PTP4A3: variants seen among roughly 807,000 people sequenced by gnomAD.
The protein encoded by PTP4A3 is protein tyrosine phosphatase 4A3.
In PTP4A3, 9 loss-of-function variants were observed where a neutral mutation model predicts 15.2. The observed-to-expected ratio is 0.59, with a 90% confidence interval of 0.36 to 1.03. The LOEUF is 1.03. Among genes scored for constraint, PTP4A3 ranks in the 50% least tolerant of loss-of-function variants. PTP4A3 has a pLI of 0.02. For missense variants in PTP4A3, 234 were observed against 252.1 expected (o/e 0.93, Z 0.49); for synonymous variants, 95 against 102.0 (o/e 0.93, Z 0.41).
At chr8:141,412,639 A>G (rs1832900090) in intron 1 of PTP4A3, among the ~76,000 whole-genome samples, 1 of 152,196 alleles carries the variant, frequency 6.6e-6, no homozygotes, top group African/African-American at 2.4e-5. Context: ...CATGGAATTC[A>G]GCCAAACTCT....
chr8:141,400,771 G>A (rs948978822), intron 1 of PTP4A3, among the ~76,000 whole-genome samples: 1 of 152,180 alleles, frequency 6.6e-6, no homozygotes, highest in African/African-American at 2.4e-5. Flanking sequence ...GGGGCTGCCC[G>A]GGTCCACACT....
In PTP4A3 at chr8:141,425,032, G is replaced by A. The variant is rs374479490; in HGVS notation, c.106-16G>A. The A allele has an allele frequency of 2.4e-5, 39 of 1,604,248 alleles. No individual in the cohort carries two copies. Among genetic ancestry groups the A allele is most frequent in the African/African-American group, 1.9e-4 (14 of 74,660 alleles). Reference sequence around the variant, plus strand: ...GCCCCAGCCCAGCCCTGCCTCCTCCGTCCTCCCACCCCCAGGACCTGAAGA... The same window carrying A: ...GCCCCAGCCCAGCCCTGCCTCCTCCATCCTCCCACCCCCAGGACCTGAAGA... On this transcript the variant is annotated splice_polypyrimidine_tract_variant and intron_variant, in intron 2 of 5. Transcript: ENST00000521578. The surrounding 1 kb of genome is among the most constrained non-coding windows in gnomAD (Gnocchi z 4.2).
chr8:141,402,878 G>A (rs1455368197), intron 1 of PTP4A3, among the ~76,000 whole-genome samples: 4 of 152,154 alleles, frequency 2.6e-5, no homozygotes, highest in East Asian at 1.9e-4. Context: ...CGTGAGAACC[G>A]GGCCTTTGGC....
chr8:141,424,955 C>G (rs1379782456), intron 2 of PTP4A3, 93 bp from the exon 3 acceptor site: 6 of 1,065,902 alleles, frequency 5.6e-6, no homozygotes, highest in Non-Finnish European at 7.0e-6. Flanking sequence ...GTGGGGGACA[C>G]AGCTGTGCCC....
At chr8:141,413,656 C>T (rs370946571) in intron 1 of PTP4A3, among the ~76,000 whole-genome samples, 66 of 152,316 alleles carry the variant, frequency 4.3e-4, no homozygotes, top group African/African-American at 1.5e-3. Context: ...GCCACGTGTG[C>T]GCATGTGAGT....
chr8:141,394,787 C>T (rs1003504161), intron 1 of PTP4A3, among the ~76,000 whole-genome samples: 3 of 152,250 alleles, frequency 2.0e-5, no homozygotes, highest in Non-Finnish European at 2.9e-5. Context: ...CGATGAGCCC[C>T]GTCCTCTCTG....
intron 1 of PTP4A3, among the ~76,000 whole-genome samples, chr8:141,407,878 C>A (rs1054933030): frequency 1.3e-5 from 2 of 152,132 alleles, no homozygotes; most frequent in African/African-American, 4.8e-5. Flanking sequence ...AATTTGTAAA[C>A]TTTCTTAAAA....
chr8:141,393,728 T>C (rs932907609), intron 1 of PTP4A3, among the ~76,000 whole-genome samples: 3 of 152,188 alleles, frequency 2.0e-5, no homozygotes, highest in African/African-American at 4.8e-5. Flanking sequence ...TGGTCCCCTC[T>C]CTGTCCCAAG....
In PTP4A3 at chr8:141,422,093, G is replaced by C. The variant is rs1422145265; in HGVS notation, c.-148G>C. 4 of 690,548 alleles carry C rather than the reference G, an allele frequency of 5.8e-6. No homozygotes were observed. Among genetic ancestry groups the C allele is most frequent in the Admixed American group, 2.7e-5 (1 of 37,290 alleles). 42.8% of individuals were successfully genotyped at this position (690,548 alleles called of 1,614,324 possible). The stretch of plus-strand genomic sequence containing the variant: ...TTTGCACAATATTTGTGCGGGGTAT[G>C]GGGGTGGGTTTTTAAATCTCGTTTC... On this transcript the variant is annotated 5_prime_UTR_variant, in exon 2 of 6. It removes an upstream start codon present in the reference 5' UTR. Transcript: ENST00000521578.
At position 141,431,626 on chromosome 8, in the gene PTP4A3, C is replaced by A. The variant is rs1469097092; in HGVS notation, c.*582C>A. ...TGGGCTGGTGCCCAGGATGGGGCTC[C>A]CGCGTGCTCTTGCGCTGCCCTCTGG... On this transcript the variant is annotated 3_prime_UTR_variant, in exon 6 of 6. Coordinates refer to ENST00000521578, the MANE Select transcript of PTP4A3 (RefSeq NM_032611.3). The A allele has an allele frequency of 6.5e-6, 1 of 152,684 alleles. No homozygotes were observed. The highest frequency in any genetic ancestry group is 2.4e-5 in the African/African-American group (1 of 41,440). 9.5% of individuals were successfully genotyped at this position (152,684 alleles called of 1,614,324 possible).
At chr8:141,415,849 A>G (rs1290460944) in intron 1 of PTP4A3, among the ~76,000 whole-genome samples, 1 of 145,910 alleles carries the variant, frequency 6.9e-6, no homozygotes, top group Non-Finnish European at 1.5e-5. Flanking sequence ...TGCCGAGTGC[A>G]GGGGCCTGGA....
intron 1 of PTP4A3, among the ~76,000 whole-genome samples, chr8:141,404,045 A>G (rs1321077895): frequency 6.6e-6 from 1 of 152,208 alleles, no homozygotes; most frequent in Non-Finnish European, 1.5e-5. Context: ...GCACACTCCC[A>G]TGCACAGCCA....
At chr8:141,424,131 C>T (rs1271598492) in intron 2 of PTP4A3, among the ~76,000 whole-genome samples, 4 of 152,128 alleles carry the variant, frequency 2.6e-5, no homozygotes, top group Admixed American at 6.5e-5. Flanking sequence ...GCCCAGCACC[C>T]TGCCTGCTCC....
At position 141,425,991 on chromosome 8, in the gene PTP4A3, TC is replaced by T. The variant is rs1437346186; in HGVS notation, c.198+855del. 6.6e-6 allele frequency among the ~76,000 whole-genome samples: 1 copy of T among 152,150 alleles called. No homozygotes were observed. Among genetic ancestry groups the T allele is most frequent in the Non-Finnish European group, 1.5e-5 (1 of 67,990 alleles). On this transcript the variant is annotated intron_variant, in intron 3 of 5. Coordinates refer to ENST00000521578, the MANE Select transcript of PTP4A3 (RefSeq NM_032611.3). The surrounding 1 kb of genome is among the most constrained non-coding windows in gnomAD (Gnocchi z 4.2). The stretch of plus-strand genomic sequence containing the variant: ...TGGAAGAATGGGAGGCAAAGGCATG[TC>T]CCCGCTTCTCGCACGGGGTGCGCCC...
Position 141,425,238 on chromosome 8 carries a change from G to A in PTP4A3, c.198+98G>A, listed in dbSNP as rs1833514601. The A allele has an allele frequency of 1.6e-6, 2 of 1,250,006 alleles. No individual in the cohort carries two copies. Among genetic ancestry groups the A allele is most frequent in the South Asian group, 2.7e-5 (2 of 73,876 alleles). 77.4% of individuals were successfully genotyped at this position (1,250,006 alleles called of 1,614,324 possible). On this transcript the variant is annotated intron_variant, in intron 3 of 5. Transcript: ENST00000521578. This position sits in a 1 kb window ranked among gnomAD's most constrained non-coding sequence, Gnocchi z 4.2. Reference sequence around the variant, plus strand: ...GCGCAGAGGGTTTGGTGCCCCTCCTGTGGCAGCCCTGGGCATGTCTGTGCC... The same window carrying A: ...GCGCAGAGGGTTTGGTGCCCCTCCTATGGCAGCCCTGGGCATGTCTGTGCC...
chr8:141,399,825 C>G (rs906849124), intron 1 of PTP4A3, among the ~76,000 whole-genome samples: 1 of 152,200 alleles, frequency 6.6e-6, no homozygotes, highest in Non-Finnish European at 1.5e-5. Context: ...AGGCTGGGGA[C>G]GTGCAATGGC....
At chr8:141,424,223 C>G (rs779754104) in intron 2 of PTP4A3, among the ~76,000 whole-genome samples, 7 of 152,198 alleles carry the variant, frequency 4.6e-5, no homozygotes, top group Non-Finnish European at 7.4e-5. Flanking sequence ...TCAGCTGATT[C>G]CTCACCCCTC....
chr8:141,427,742 G>C lies in PTP4A3; in HGVS notation c.330-8G>C. 1 of 1,549,532 alleles carries C rather than the reference G, an allele frequency of 6.5e-7. No individual in the cohort carries two copies. Among genetic ancestry groups the C allele is most frequent in the Middle Eastern group, 1.7e-4 (1 of 5,974 alleles). On this transcript the variant is annotated splice_polypyrimidine_tract_variant and splice_region_variant and intron_variant, in intron 4 of 5. Coordinates refer to ENST00000521578, the MANE Select transcript of PTP4A3 (RefSeq NM_032611.3). ...TCCGATGACCCCCGCCCTGCTGTTT[G>C]CCCCCAGGGCTCCAGTCCTTGTGGC... is the stretch of plus-strand genomic sequence containing the variant.
chr8:141,402,568 G>T (rs1020278281), intron 1 of PTP4A3, among the ~76,000 whole-genome samples: 1 of 152,156 alleles, frequency 6.6e-6, no homozygotes, highest in African/African-American at 2.4e-5. Flanking sequence ...TGGCGGCCTC[G>T]CGCCTGTCCC....
Sources: gnomAD v4.1 joint callset for allele counts (sites outside exome capture counted in the v4.1 genomes callset) on GRCh38, gnomAD v4.1.1 for gene constraint, Gnocchi (gnomAD v3.1) non-coding constraint, MANE v1.5 for transcripts, NCBI Gene and HGNC (gene_info 2026-07-23, HGNC 2026-07-21) for gene names.